Variants in CDK14 observed in about 807,000 individuals in gnomAD.
The protein encoded by CDK14 is cyclin-dependent kinase 14.
Under a neutral mutation model 60.7 loss-of-function variants are expected in CDK14, and 34 were observed. That is an observed-to-expected ratio of 0.56 (90% CI 0.43 to 0.75). The LOEUF (loss-of-function observed/expected upper bound fraction) is 0.75. CDK14 is among the 30% of genes least tolerant of loss of function. CDK14 has a pLI of 0.00. For synonymous variants in CDK14, 197 were observed against 203.7 expected (o/e 0.97, Z 0.28); for missense variants, 482 against 564.1 (o/e 0.85, Z 1.47).
intron 2 of CDK14, among the ~76,000 whole-genome samples, chr7:90,641,835 A>G (rs1425408008): frequency 1.3e-5 from 2 of 152,204 alleles, no homozygotes; most frequent in Non-Finnish European, 2.9e-5. Flanking sequence ...TACAAAAGAA[A>G]AAGGTTTAAT....
chr7:90,785,641 G>A (rs566615209), intron 4 of CDK14, among the ~76,000 whole-genome samples: 4 of 151,948 alleles, frequency 2.6e-5, no homozygotes, highest in South Asian at 2.1e-4. Context: ...AAAAAAATTA[G>A]CTAGGCGTGG....
intron 14 of CDK14, among the ~76,000 whole-genome samples, chr7:91,177,698 C>T (rs1801822741): frequency 6.8e-6 from 1 of 147,320 alleles, no homozygotes; most frequent in South Asian, 2.2e-4. Flanking sequence ...CATGAGTGAA[C>T]TCCCATTCAC....
At chr7:90,623,468 A>G (rs773207057) in intron 2 of CDK14, among the ~76,000 whole-genome samples, 1 of 152,214 alleles carries the variant, frequency 6.6e-6, no homozygotes, top group Non-Finnish European at 1.5e-5. Context: ...TGGCATGGCA[A>G]TAGTGGGAAA....
At chr7:91,059,859 T>TG in intron 11 of CDK14, among the ~76,000 whole-genome samples, 1 of 152,366 alleles carries the variant, frequency 6.6e-6, no homozygotes, top group East Asian at 1.9e-4. Flanking sequence ...TGTGGTGTGG[T>TG]GCTGAAAAGA....
intron 12 of CDK14, among the ~76,000 whole-genome samples, chr7:91,095,864 A>G (rs1562902557): frequency 6.6e-6 from 1 of 151,698 alleles, no homozygotes; most frequent in Non-Finnish European, 1.5e-5. Flanking sequence ...TCCCAAAATT[A>G]TCTTTAATAT....
chr7:90,984,737 G>A (rs954560434), intron 10 of CDK14, among the ~76,000 whole-genome samples: 3 of 152,188 alleles, frequency 2.0e-5, no homozygotes, highest in African/African-American at 7.2e-5. Context: ...TTAGTGGGCT[G>A]TACCCTTGAT....
At chr7:90,726,959 A>C (rs1471719975) in intron 3 of CDK14, 147 bp downstream of exon 3, 4 of 834,216 alleles carry the variant, frequency 4.8e-6, no homozygotes, top group Non-Finnish European at 7.4e-6. Flanking sequence ...TGGAAGAGAG[A>C]GAGCAAACTA....
At chr7:91,102,259 G>A (rs1172818706) in intron 12 of CDK14, among the ~76,000 whole-genome samples, 1 of 152,144 alleles carries the variant, frequency 6.6e-6, no homozygotes, top group Non-Finnish European at 1.5e-5. Context: ...GTTGGTTGTT[G>A]TACTTCCAAC....
intron 5 of CDK14, among the ~76,000 whole-genome samples, chr7:90,830,112 T>G: frequency 6.6e-6 from 1 of 152,194 alleles, no homozygotes; most frequent in East Asian, 1.9e-4. Flanking sequence ...GGTGATTCTG[T>G]GTGGGGGCTC....
At chr7:90,979,939 T>C (rs1795185335) in intron 9 of CDK14, 1 of 147,348 alleles carries the variant, frequency 6.8e-6, no homozygotes, top group Non-Finnish European at 1.5e-5. Context: ...TTTGCTCATT[T>C]TAAATGCACT....
At chr7:90,860,421 G>A (rs1051214691) in intron 5 of CDK14, among the ~76,000 whole-genome samples, 3 of 151,678 alleles carry the variant, frequency 2.0e-5, no homozygotes, top group Admixed American at 6.6e-5. Context: ...GCCCAGTCAC[G>A]TCTTTTGTGG....
rs1210463532 is a variant in CDK14 at position 90,709,376 on chromosome 7, A to ATTGAATTGAG, written c.124-17190_124-17181dup. The ATTGAATTGAG allele has an allele frequency of 2.2e-6, 3 of 1,367,908 alleles. No individual in the cohort carries two copies. The African/African-American group carries it at 4.5e-5, about 21-fold the overall frequency. 84.7% of individuals were successfully genotyped at this position (1,367,908 alleles called of 1,614,324 possible). Reference sequence around the variant, plus strand: ...TGGCTTTCTCCAGTGCTCTTAAAAAATTGAATTGAGCATGATGAGGTGCAT... The same window carrying ATTGAATTGAG: ...TGGCTTTCTCCAGTGCTCTTAAAAAATTGAATTGAGTTGAATTGAGCATGATGAGGTGCAT... On this transcript the variant is annotated intron_variant, in intron 2 of 14. Coordinates refer to ENST00000380050, the MANE Select transcript of CDK14 (RefSeq NM_001287135.2).
chr7:91,076,767 A>T (rs1427262279), intron 11 of CDK14, among the ~76,000 whole-genome samples: 5 of 152,248 alleles, frequency 3.3e-5, no homozygotes, highest in Non-Finnish European at 5.9e-5. Flanking sequence ...CAAAGGTCTA[A>T]TATGTGGAAT....
At chr7:90,697,597 C>G (rs1301471756) in intron 2 of CDK14, among the ~76,000 whole-genome samples, 1 of 152,134 alleles carries the variant, frequency 6.6e-6, no homozygotes, top group Non-Finnish European at 1.5e-5. Context: ...TTATATGGAG[C>G]TGAACTGCCC....
chr7:90,621,608 C>A (rs1799766757), intron 2 of CDK14, among the ~76,000 whole-genome samples: 1 of 150,012 alleles, frequency 6.7e-6, no homozygotes, highest in Non-Finnish European at 1.5e-5. Flanking sequence ...ATAATTCAGA[C>A]TTTTTTTCCT....
At chr7:91,201,591 C>T (rs766200876) in intron 14 of CDK14, among the ~76,000 whole-genome samples, 5 of 151,924 alleles carry the variant, frequency 3.3e-5, no homozygotes, top group Non-Finnish European at 4.4e-5. Context: ...CATAAATAGG[C>T]CAGTGAAACA....
At chr7:91,191,425 G>T (rs1419187133) in intron 14 of CDK14, among the ~76,000 whole-genome samples, 1 of 151,934 alleles carries the variant, frequency 6.6e-6, no homozygotes, top group East Asian at 1.9e-4. Context: ...GCCAAGTCCA[G>T]TGTTTTTGTT....
In CDK14 at chr7:91,002,886, C is replaced by T. The variant is rs548288627; in HGVS notation, c.1041+18645C>T. Among the ~76,000 whole-genome samples, 76 of 152,190 alleles carry T rather than the reference C, an allele frequency of 5.0e-4. 1 individual carries two copies. The highest frequency in any genetic ancestry group is 1.8e-3 in the African/African-American group (73 of 41,530). On this transcript the variant is annotated intron_variant, in intron 10 of 14. Transcript: ENST00000380050. ...AGGAGATCGAGACCATCCTGGCTAA[C>T]ACGGTGAAACCCTATCTCTACTAAA...
Position 90,611,764 on chromosome 7 carries a change from T to C in CDK14, c.123+7515T>C, listed in dbSNP as rs114682206. On this transcript the variant is annotated intron_variant, in intron 2 of 14. Coordinates refer to ENST00000380050, the MANE Select transcript of CDK14 (RefSeq NM_001287135.2). ...TTTAACTCCATACTCCTAGCTTATC[T>C]TTCAAGGCCTTTCACGATCTATCTC... is the stretch of plus-strand genomic sequence containing the variant. 9.4e-4 allele frequency among the ~76,000 whole-genome samples: 143 copies of C among 152,304 alleles called. 1 individual carries two copies. Among genetic ancestry groups the C allele is most frequent in the African/African-American group, 3.2e-3 (132 of 41,564 alleles).
Sources: gnomAD v4.1 joint callset for allele counts (sites outside exome capture counted in the v4.1 genomes callset) on GRCh38, gnomAD v4.1.1 for gene constraint, MANE v1.5 for transcripts, NCBI Gene and HGNC (gene_info 2026-07-23, HGNC 2026-07-21) for gene names.